The following TTC34 variants were observed in gnomAD, a reference collection of about 807,000 sequenced individuals.
TTC34 encodes tetratricopeptide repeat domain 34.
A neutral mutation model predicts 40.7 loss-of-function variants in TTC34; 44 were observed. The observed-to-expected ratio is 1.08, with a 90% confidence interval of 0.85 to 1.39. The LOEUF is 1.39. Among genes scored for constraint, TTC34 ranks in the 40% most tolerant of loss-of-function variants. The pLI is 0.00. For missense variants in TTC34, 884 were observed against 838.0 expected, an observed-to-expected ratio of 1.05 and a Z score of -0.68; for synonymous variants, 422 against 398.6, an observed-to-expected ratio of 1.06 and a Z score of -0.70.
intron 6 of TTC34, among the ~76,000 whole-genome samples, chr1:2,748,566 T>TCTAACAACCTGGAACAGCACCCAGGCAG (rs1641220689): frequency 2.2e-5 from 1 of 46,456 alleles, no homozygotes; most frequent in African/African-American, 1.2e-4. Context: ...CACACCACCA[T>TCTAACAACCTGGAACAGCACCCAGGCAG]GCGAGCATCT....
chr1:2,762,032 C>G (rs1236711343), intron 6 of TTC34, among the ~76,000 whole-genome samples: 2 of 53,014 alleles, frequency 3.8e-5, no homozygotes, highest in Non-Finnish European at 6.2e-5. Flanking sequence ...CATGTGACAG[C>G]CTGGAGCAGC....
chr1:2,800,919 C>T, intron 1 of TTC34, 51 bp from the exon 2 acceptor site: 1 of 398,428 alleles, frequency 2.5e-6, no homozygotes. Context: ...AGTTCTCCTG[C>T]CCTGTGGCCA....
intron 6 of TTC34, among the ~76,000 whole-genome samples, chr1:2,748,855 C>G (rs1301978526): frequency 0.015 from 2,047 of 137,622 alleles, 21 homozygotes; most frequent in Admixed American, 0.026. Context: ...AGGTGAGCAT[C>G]TGATGCTTTG....
At chr1:2,675,175 C>G (rs1219337183) in intron 6 of TTC34, among the ~76,000 whole-genome samples, 49 of 121,466 alleles carry the variant, frequency 4.0e-4, no homozygotes, top group East Asian at 8.9e-4. Context: ...AGGGGAGCAT[C>G]TGACATCCTG....
chr1:2,683,242 C>T (rs1277120544), intron 6 of TTC34, among the ~76,000 whole-genome samples: 2 of 144,998 alleles, frequency 1.4e-5, no homozygotes, highest in African/African-American at 2.5e-5. Flanking sequence ...CCCAAGTGAG[C>T]ATCTGATGGT....
intron 6 of TTC34, among the ~76,000 whole-genome samples, chr1:2,687,556 G>C (rs1257286395): frequency 7.2e-6 from 1 of 138,850 alleles, no homozygotes; most frequent in Admixed American, 7.0e-5. Flanking sequence ...GCATGGAGCA[G>C]CACGCTGCAC....
At chr1:2,799,955 C>T in intron 2 of TTC34, 89 bp downstream of exon 2, 1 of 398,302 alleles carries the variant, frequency 2.5e-6, no homozygotes, top group Non-Finnish European at 4.4e-6. Flanking sequence ...CACAGCCTCA[C>T]CCCATCATGG....
At chr1:2,692,401 G>A (rs371735061) in intron 6 of TTC34, among the ~76,000 whole-genome samples, 306 of 5,876 alleles carry the variant, frequency 0.052, 3 homozygotes, top group Middle Eastern at 0.33. Context: ...TGAGCATCTG[G>A]CAGCCTGGAG....
chr1:2,660,814 C>A (rs1463695075), intron 6 of TTC34, among the ~76,000 whole-genome samples: 12 of 89,920 alleles, frequency 1.3e-4, no homozygotes, highest in Non-Finnish European at 1.8e-4. Flanking sequence ...ATCTGACAGC[C>A]TGGAACAGCA....
chr1:2,787,353 G>T (rs1643603742), intron 4 of TTC34, 128 bp downstream of exon 4: 4 of 798,200 alleles, frequency 5.0e-6, no homozygotes, highest in African/African-American at 1.7e-5. Flanking sequence ...CAGAGCTGGG[G>T]CTGAATGCAG....
intron 6 of TTC34, among the ~76,000 whole-genome samples, chr1:2,684,510 C>A (rs71503019): frequency 6.1e-5 from 9 of 148,184 alleles, no homozygotes; most frequent in Admixed American, 2.7e-4. Flanking sequence ...TGGAACGGCA[C>A]CCACACCCCC....
intron 6 of TTC34, among the ~76,000 whole-genome samples, chr1:2,685,159 C>T (rs554597525): frequency 1.4e-5 from 2 of 140,716 alleles, no homozygotes; most frequent in Admixed American, 7.2e-5. Context: ...GCACCCACAA[C>T]CCCACGTGAG....
intron 6 of TTC34, among the ~76,000 whole-genome samples, chr1:2,755,735 C>A (rs1418127678): frequency 6.0e-3 from 221 of 37,058 alleles, no homozygotes; most frequent in Admixed American, 9.7e-3. Flanking sequence ...CCTGGAGCAG[C>A]ACCCACACAC....
Position 2,684,982 on chromosome 1 carries a change from AG to A in TTC34, c.2227-39420del, listed in dbSNP as rs1291423152. 9.3e-5 allele frequency among the ~76,000 whole-genome samples: 3 copies of A among 32,426 alleles called. 1 individual carries two copies. The highest frequency in any genetic ancestry group is 3.9e-4 in the African/African-American group (3 of 7,700). 21.3% of individuals were successfully genotyped at this position (32,426 alleles called of 152,430 possible). A position where few individuals can be genotyped will look rare whatever the true frequency, so the allele number is the denominator to read the frequency against. ...CCCCCAGACGAGCATCTGACAGCTT[AG>A]AACAGCACCCATACCCCCAGGCGAG... On this transcript the variant is annotated intron_variant, in intron 6 of 8. Coordinates refer to ENST00000401095, the Ensembl canonical transcript of TTC34.
chr1:2,772,769 C>T (rs377300973), intron 6 of TTC34, among the ~76,000 whole-genome samples: 1,089 of 43,974 alleles, frequency 0.025, no homozygotes, highest in Non-Finnish European at 0.044. Flanking sequence ...GAACAGCACT[C>T]CACACCCCCA....
intron 6 of TTC34, among the ~76,000 whole-genome samples, chr1:2,691,934 A>C (rs1451498628): frequency 3.8e-5 from 3 of 79,890 alleles, no homozygotes; most frequent in East Asian, 8.1e-4. Context: ...AGTCTGGAAC[A>C]CCACGCACAA....
chr1:2,752,870 T>C (rs1641370744), intron 6 of TTC34, among the ~76,000 whole-genome samples: 7 of 150,624 alleles, frequency 4.6e-5, no homozygotes, highest in Admixed American at 6.6e-5. Flanking sequence ...GGCGAGCATC[T>C]GATGGCCTGG....
At chr1:2,638,060 T>C (rs887521345) in exon 9 of TTC34, 1 of 152,128 alleles carries the variant, frequency 6.6e-6, no homozygotes, top group African/African-American at 2.4e-5. Flanking sequence ...TTTATTTTTT[T>C]TGTTCTGCTT....
intron 6 of TTC34, among the ~76,000 whole-genome samples, chr1:2,692,477 T>C (rs1640667039): frequency 8.3e-6 from 1 of 121,090 alleles, no homozygotes; most frequent in Non-Finnish European, 1.8e-5. Context: ...CAGGTGAGCA[T>C]CTGACAGCCT....
Sources: gnomAD v4.1 joint callset for allele counts (sites outside exome capture counted in the v4.1 genomes callset) on GRCh38, gnomAD v4.1.1 for gene constraint, MANE v1.5 for transcripts, NCBI Gene and HGNC (gene_info 2026-07-23, HGNC 2026-07-21) for gene names.